CCDC171: variants seen among roughly 807,000 people sequenced by gnomAD.
The protein encoded by CCDC171 is coiled-coil domain-containing protein 171.
Under a neutral mutation model 168.2 loss-of-function variants are expected in CCDC171, and 177 were observed. The ratio of observed to expected loss-of-function variants is 1.05; its 90% CI spans 0.93 to 1.19. The LOEUF is 1.19. CCDC171 is among the 50% of genes most tolerant of loss of function. The pLI, the probability that CCDC171 is intolerant of heterozygous loss-of-function variation, is 0.00. For missense variants in CCDC171, 1,991 were observed against 1,539.0 expected, an observed-to-expected ratio of 1.29 and a Z score of -4.91; for synonymous variants, 687 against 540.8, an observed-to-expected ratio of 1.27 and a Z score of -3.75.
intron 3 of CCDC171, among the ~76,000 whole-genome samples, chr9:15,990,964 CA>C (rs1367405250): frequency 6.6e-6 from 1 of 152,122 alleles, no homozygotes; most frequent in Non-Finnish European, 1.5e-5. Flanking sequence ...TAGACTCCCA[CA>C]CAATAATAAT....
At chr9:15,907,160 TA>T (rs1822792123) in intron 24 of CCDC171, among the ~76,000 whole-genome samples, 1 of 152,146 alleles carries the variant, frequency 6.6e-6, no homozygotes, top group Non-Finnish European at 1.5e-5. Flanking sequence ...AAACCTACTT[TA>T]AAGTTCATAT....
intron 11 of CCDC171, among the ~76,000 whole-genome samples, chr9:15,697,176 T>C (rs1411370169): frequency 6.6e-6 from 1 of 152,198 alleles, no homozygotes; most frequent in African/African-American, 2.4e-5. Flanking sequence ...TTCCTCTGCT[T>C]CCTCTGCTCC....
At chr9:16,074,067 G>C in the CCDC171 span, among the ~76,000 whole-genome samples, 1 of 152,044 alleles carries the variant, frequency 6.6e-6, no homozygotes, top group African/African-American at 2.4e-5. Context: ...AGTATCACTG[G>C]GCTGGAGGAG....
At chr9:15,853,029 G>A (rs924234770) in intron 23 of CCDC171, among the ~76,000 whole-genome samples, 2 of 151,580 alleles carry the variant, frequency 1.3e-5, no homozygotes, top group Admixed American at 6.6e-5. Context: ...GAGATTTCTA[G>A]ATCTCAAGAT....
chr9:15,722,540 C>T lies in CCDC171; in HGVS notation c.1425+665C>T, dbSNP rs1204960597. Among the ~76,000 whole-genome samples the T allele has an allele frequency of 2.6e-5, 4 of 152,176 alleles. No homozygotes were observed. The South Asian group carries it at 6.2e-4, about 24-fold the overall frequency. ...AAGAGTTTGTCTAGTTACATCTTGT[C>T]AAATTAGCATATGAAGTAATTACAT... On this transcript the variant is annotated intron_variant, in intron 12 of 25. Coordinates refer to ENST00000380701, the MANE Select transcript of CCDC171 (RefSeq NM_173550.4).
intron 6 of CCDC171, 27 bp from the exon 7 acceptor site, chr9:15,623,240 T>A (rs775593669): frequency 3.9e-6 from 6 of 1,533,418 alleles, no homozygotes; most frequent in South Asian, 3.9e-5. Flanking sequence ...ATAAACTTTA[T>A]TGATGCAAAA....
chr9:16,057,889 G>A (rs1212478728), intron 1 of CCDC171, among the ~76,000 whole-genome samples: 1 of 152,200 alleles, frequency 6.6e-6, no homozygotes, highest in Non-Finnish European at 1.5e-5. Context: ...CTATGCCCTT[G>A]TCTGGGTGGC....
chr9:15,658,468 C>T (rs1172556865), intron 8 of CCDC171, among the ~76,000 whole-genome samples: 1 of 152,048 alleles, frequency 6.6e-6, no homozygotes, highest in East Asian at 1.9e-4. Context: ...AATAACAGTC[C>T]CTCAAAGATG....
chr9:15,740,404 A>C (rs564064696), intron 16 of CCDC171, among the ~76,000 whole-genome samples: 26 of 150,360 alleles, frequency 1.7e-4, no homozygotes, highest in African/African-American at 6.4e-4. Context: ...TTATGTACAA[A>C]TAACGTGATT....
At chr9:16,079,189 C>G in the CCDC171 span, among the ~76,000 whole-genome samples, 1 of 152,168 alleles carries the variant, frequency 6.6e-6, no homozygotes, top group African/African-American at 2.4e-5. Flanking sequence ...AGGACTACAA[C>G]CAGCAACATC....
At chr9:15,662,708 G>T (rs1006084530) in intron 8 of CCDC171, among the ~76,000 whole-genome samples, 1 of 152,146 alleles carries the variant, frequency 6.6e-6, no homozygotes, top group South Asian at 2.1e-4. Context: ...GGACACGGTG[G>T]CTCACACCTG....
upstream of CCDC171, chr9:15,552,996 G>C (rs1414579959): frequency 2.6e-5 from 4 of 152,742 alleles, no homozygotes; most frequent in African/African-American, 4.8e-5. Flanking sequence ...AGGGCTGCGG[G>C]AGGCGGGAGG....
intron 3 of CCDC171, among the ~76,000 whole-genome samples, chr9:15,994,924 C>T (rs1039713894): frequency 6.6e-6 from 1 of 152,182 alleles, no homozygotes; most frequent in African/African-American, 2.4e-5. Flanking sequence ...TAATTTTTCT[C>T]CTTCAAAGTG....
At chr9:15,613,345 G>C (rs1044448184) in intron 6 of CCDC171, among the ~76,000 whole-genome samples, 1 of 151,902 alleles carries the variant, frequency 6.6e-6, no homozygotes. Flanking sequence ...TTTAGCATAG[G>C]TTAATTGATA....
rs182620614 is a variant in CCDC171, at chr9:15,956,368, G to A, written c.3754-15241G>A. ...GCTTTGATTACTGATAGGATACTTG[G>A]AATTGAAATCATAATTCTGTCTTAG... On this transcript the variant is annotated intron_variant, in intron 25 of 25. Coordinates refer to ENST00000380701, the MANE Select transcript of CCDC171 (RefSeq NM_173550.4). Among the ~76,000 whole-genome samples the A allele has an allele frequency of 2.9e-3, 438 of 152,224 alleles. 2 individuals carry two copies. Among genetic ancestry groups the A allele is most frequent in the Middle Eastern group, 0.024 (7 of 292 alleles).
chr9:15,641,863 A>T (rs1476972910), intron 7 of CCDC171, among the ~76,000 whole-genome samples: 6 of 152,202 alleles, frequency 3.9e-5, no homozygotes, highest in Non-Finnish European at 8.8e-5. Flanking sequence ...ACTTTGTGTT[A>T]CATACAGAAC....
intron 11 of CCDC171, among the ~76,000 whole-genome samples, chr9:15,716,584 G>T (rs563539421): frequency 1.3e-5 from 2 of 152,014 alleles, no homozygotes; most frequent in Non-Finnish European, 2.9e-5. Context: ...CCTGAGACTG[G>T]GTAATTAATA....
At chr9:16,024,465 G>A (rs1325303262) in intron 6 of CCDC171, among the ~76,000 whole-genome samples, 10 of 152,074 alleles carry the variant, frequency 6.6e-5, no homozygotes, top group Admixed American at 2.6e-4. Flanking sequence ...TACTCCATAC[G>A]GAAATGAATT....
At chr9:15,692,823 G>A (rs1013939162) in intron 10 of CCDC171, among the ~76,000 whole-genome samples, 12 of 146,786 alleles carry the variant, frequency 8.2e-5, no homozygotes, top group Non-Finnish European at 1.2e-4. Flanking sequence ...CACAGCTCCC[G>A]GCCATAGTTA....
Sources: gnomAD v4.1 joint callset for allele counts (sites outside exome capture counted in the v4.1 genomes callset) on GRCh38, gnomAD v4.1.1 for gene constraint, MANE v1.5 for transcripts, NCBI Gene and HGNC (gene_info 2026-07-23, HGNC 2026-07-21) for gene names.